The following RABL3 variants were observed in gnomAD, a reference collection of about 807,000 sequenced individuals.
The protein encoded by RABL3 is rab-like protein 3.
In RABL3, 31 loss-of-function variants were observed where a neutral mutation model predicts 31.8. That is an observed-to-expected ratio of 0.97 (90% CI 0.73 to 1.31). The LOEUF (loss-of-function observed/expected upper bound fraction) is 1.31, where lower values mean the gene tolerates loss of function less well. Among genes scored for constraint, RABL3 ranks in the 40% most tolerant of loss-of-function variants. RABL3 has a pLI of 0.00. For synonymous variants in RABL3, 97 were observed against 99.9 expected (o/e 0.97, Z 0.18); for missense variants, 263 against 279.6 (o/e 0.94, Z 0.42).
chr3:120,736,061 C>T lies in RABL3; in HGVS notation c.47-5274G>A, dbSNP rs181712899. ...GAGTTCTGTAGAGGTCTATTAGGTCCGCTTGGTGCAGAGGTGAGTTCAATT... is the reference window on the plus strand; with the variant it reads ...GAGTTCTGTAGAGGTCTATTAGGTCTGCTTGGTGCAGAGGTGAGTTCAATT... On this transcript the variant is annotated intron_variant, in intron 1 of 7. Transcript: ENST00000273375. Among the ~76,000 whole-genome samples the T allele has an allele frequency of 2.9e-3, 446 of 152,218 alleles. 3 individuals carry two copies. Among genetic ancestry groups the T allele is most frequent in the African/African-American group, 9.8e-3 (407 of 41,518 alleles).
intron 4 of RABL3, among the ~76,000 whole-genome samples, chr3:120,705,116 T>A (rs915704699): frequency 2.0e-5 from 3 of 152,150 alleles, no homozygotes; most frequent in Non-Finnish European, 4.4e-5. Context: ...ATGCACAGGA[T>A]TTGTATGCTG....
chr3:120,687,211 T>C lies in RABL3; in HGVS notation c.*2612A>G, dbSNP rs1449186627. ...TCACCTTCACAATGAGTCAGAAAAT[T>C]GGTCAGACACCGAAATCACAACAGA... On this transcript the variant is annotated 3_prime_UTR_variant, in exon 8 of 8. Coordinates refer to ENST00000273375, the MANE Select transcript of RABL3 (RefSeq NM_173825.5). 2 of 152,120 alleles carry C rather than the reference T, an allele frequency of 1.3e-5. No individual in the cohort carries two copies. The highest frequency in any genetic ancestry group is 2.9e-5 in the Non-Finnish European group (2 of 68,030). 9.4% of individuals were successfully genotyped at this position (152,120 alleles called of 1,614,324 possible).
At chr3:120,695,833 C>T (rs1708430107) in intron 5 of RABL3, among the ~76,000 whole-genome samples, 1 of 152,094 alleles carries the variant, frequency 6.6e-6, no homozygotes, top group Non-Finnish European at 1.5e-5. Context: ...AATACAAAAA[C>T]TAAAGCAAAC....
intron 2 of RABL3, among the ~76,000 whole-genome samples, chr3:120,712,681 G>A (rs929886949): frequency 1.3e-5 from 2 of 152,180 alleles, no homozygotes; most frequent in African/African-American, 4.8e-5. Context: ...GACTCTGAGT[G>A]TAAGGGCACG....
chr3:120,711,462 T>G (rs367675311), intron 2 of RABL3, among the ~76,000 whole-genome samples: 1 of 152,152 alleles, frequency 6.6e-6, no homozygotes, highest in South Asian at 2.1e-4. Context: ...CTCTGACTGA[T>G]CTCCCTACTA....
chr3:120,724,288 C>T (rs147371028), intron 2 of RABL3, among the ~76,000 whole-genome samples: 5 of 152,160 alleles, frequency 3.3e-5, no homozygotes, highest in South Asian at 2.1e-4. Context: ...CACTGCTCAA[C>T]GAAGTAAAAG....
At chr3:120,703,794 CA>C (rs1708520366) in intron 4 of RABL3, among the ~76,000 whole-genome samples, 1 of 152,066 alleles carries the variant, frequency 6.6e-6, no homozygotes, top group Non-Finnish European at 1.5e-5. Context: ...TATTGATATA[CA>C]TTAAAAAATT....
rs1462002358 is a variant in RABL3, at chr3:120,689,900, A to T, written c.646-12T>A. The T allele has an allele frequency of 6.2e-7, 1 of 1,606,212 alleles. No individual in the cohort carries two copies. Among genetic ancestry groups the T allele is most frequent in the Admixed American group, 1.7e-5 (1 of 59,956 alleles). ...GGAAAGCCTGGAATCTGTAGGCAAG[A>T]AAGATAATTGCATTAAGTCTCAAGC... On this transcript the variant is annotated splice_polypyrimidine_tract_variant and intron_variant, in intron 7 of 7. Coordinates refer to ENST00000273375, the MANE Select transcript of RABL3 (RefSeq NM_173825.5).
chr3:120,691,357 G>A (rs779481970), intron 6 of RABL3, among the ~76,000 whole-genome samples: 6 of 152,140 alleles, frequency 3.9e-5, no homozygotes, highest in Admixed American at 2.0e-4. Context: ...GCTTGACTAC[G>A]ATTTTTTGAC....
At chr3:120,708,576 A>G (rs1470672166) in intron 3 of RABL3, among the ~76,000 whole-genome samples, 1 of 152,072 alleles carries the variant, frequency 6.6e-6, no homozygotes, top group Non-Finnish European at 1.5e-5. Context: ...ATACAAGTTG[A>G]TCACTCTAGT....
chr3:120,707,223 TTG>T (rs1708559528), intron 3 of RABL3, among the ~76,000 whole-genome samples: 1 of 152,182 alleles, frequency 6.6e-6, no homozygotes, highest in Admixed American at 6.5e-5. Flanking sequence ...TATAGCTGAC[TTG>T]TTCCAGCCAG....
At chr3:120,693,181 T>G (rs1378814657) in intron 6 of RABL3, among the ~76,000 whole-genome samples, 1 of 140,200 alleles carries the variant, frequency 7.1e-6, no homozygotes, top group East Asian at 2.5e-4. Flanking sequence ...ATTTCCCACA[T>G]ATCAGTTAAG....
chr3:120,729,011 A>G (rs886835220), intron 2 of RABL3, among the ~76,000 whole-genome samples: 3 of 152,168 alleles, frequency 2.0e-5, no homozygotes, highest in Non-Finnish European at 4.4e-5. Context: ...ATTCAAGGCA[A>G]AAGTATATGT....
chr3:120,734,176 G>C (rs1230478392), intron 1 of RABL3, among the ~76,000 whole-genome samples: 3 of 152,208 alleles, frequency 2.0e-5, no homozygotes, highest in Non-Finnish European at 4.4e-5. Flanking sequence ...TCCTACCCAT[G>C]AGCATGGAAT....
chr3:120,717,084 C>A (rs1708679184), intron 2 of RABL3, among the ~76,000 whole-genome samples: 1 of 152,004 alleles, frequency 6.6e-6, no homozygotes, highest in Non-Finnish European at 1.5e-5. Context: ...GAAACCCAGT[C>A]TCTACTCAAA....
intron 2 of RABL3, among the ~76,000 whole-genome samples, chr3:120,718,125 C>T (rs770255944): frequency 3.3e-5 from 5 of 152,174 alleles, no homozygotes; most frequent in Non-Finnish European, 7.3e-5. Flanking sequence ...CCACTTTTCT[C>T]CTGGAATCTT....
intron 1 of RABL3, among the ~76,000 whole-genome samples, chr3:120,735,290 G>A (rs1559824409): frequency 6.6e-6 from 1 of 152,164 alleles, no homozygotes; most frequent in Non-Finnish European, 1.5e-5. Context: ...TATGTGTCCA[G>A]GAATTTATCC....
intron 1 of RABL3, among the ~76,000 whole-genome samples, chr3:120,732,497 G>A (rs1023116769): frequency 7.9e-5 from 12 of 152,046 alleles, no homozygotes; most frequent in African/African-American, 2.9e-4. Context: ...GATGCCATCT[G>A]TTGATTTATT....
intron 6 of RABL3, among the ~76,000 whole-genome samples, chr3:120,693,796 TA>T (rs1396429821): frequency 6.6e-6 from 1 of 152,172 alleles, no homozygotes; most frequent in Non-Finnish European, 1.5e-5. Flanking sequence ...CTCAGGGCTT[TA>T]AGCAGAATCT....
Sources: gnomAD v4.1 joint callset for allele counts (sites outside exome capture counted in the v4.1 genomes callset) on GRCh38, gnomAD v4.1.1 for gene constraint, MANE v1.5 for transcripts, NCBI Gene and HGNC (gene_info 2026-07-23, HGNC 2026-07-21) for gene names.